SPATC1L: variants seen among roughly 807,000 people sequenced by gnomAD.
The protein encoded by SPATC1L is speriolin-like protein.
SPATC1L carries 20 observed loss-of-function variants against 21.2 expected under a neutral mutation model. The ratio of observed to expected loss-of-function variants is 0.94; its 90% CI spans 0.66 to 1.37. The LOEUF (loss-of-function observed/expected upper bound fraction) is 1.37. SPATC1L is among the 40% of genes most tolerant of loss of function. The pLI, the probability that SPATC1L is intolerant of heterozygous loss-of-function variation, is 0.00. For synonymous variants in SPATC1L, 290 were observed against 234.5 expected (o/e 1.24, Z -2.16); for missense variants, 499 against 478.7 (o/e 1.04, Z -0.40).
At chr21:46,182,029 A>G (rs2079677988) in intron 2 of SPATC1L, among the ~76,000 whole-genome samples, 1 of 152,214 alleles carries the variant, frequency 6.6e-6, no homozygotes, top group Admixed American at 6.5e-5. Context: ...AGTCAATGCT[A>G]TGTGGTGAGT....
rs1321795704 is a variant in SPATC1L, at chr21:46,174,338, ACAAAAC to A, written c.194-5686_194-5681del. Among the ~76,000 whole-genome samples the A allele has an allele frequency of 4.1e-3, 308 of 75,180 alleles. 32 individuals carry two copies. The highest frequency in any genetic ancestry group is 6.3e-3 in the Middle Eastern group (1 of 158). 49.3% of individuals were successfully genotyped at this position (75,180 alleles called of 152,430 possible). ...ACAGAGCAAGACTCTGTCTCAAAAA[ACAAAAC>A]AAAAAAAAAAAAAAAACAGAATGGC... On this transcript the variant is annotated intron_variant, in intron 2 of 4. Transcript: ENST00000291672.
Position 46,168,672 on chromosome 21 carries a change from G to C in SPATC1L, c.194-14C>G. 1 of 1,357,812 alleles carries C rather than the reference G, an allele frequency of 7.4e-7. No homozygotes were observed. The highest frequency in any genetic ancestry group is 9.6e-7 in the Non-Finnish European group (1 of 1,041,448). The allele number at this position is 1,357,812 out of a possible 1,614,324, so 84.1% of individuals were successfully genotyped here. On this transcript the variant is annotated splice_polypyrimidine_tract_variant and intron_variant, in intron 2 of 4. Transcript: ENST00000291672. ...CGAAATCTGGAACTGAGGCGGGGAG[G>C]AAAGGGATGAGAAATCAGGCTGATG...
At chr21:46,166,676 A>T (rs2123624689) in intron 3 of SPATC1L, among the ~76,000 whole-genome samples, 1 of 152,340 alleles carries the variant, frequency 6.6e-6, no homozygotes, top group Middle Eastern at 3.4e-3. Flanking sequence ...ATAACAAGAG[A>T]CAAAGAAGGT....
chr21:46,172,131 G>GC (rs879693294), intron 2 of SPATC1L, among the ~76,000 whole-genome samples: 89,635 of 122,218 alleles, frequency 0.73, 35,298 homozygotes, highest in East Asian at 0.99. Context: ...GGGATGCACA[G>GC]AGTGTGAGGT....
In SPATC1L at chr21:46,168,449, G is replaced by A. The variant is rs746281122; in HGVS notation, c.403C>T (p.Pro135Ser). The change falls in exon 3 of 5, where the codon CCG (proline) becomes TCG (serine). Residue 135 changes from proline (P) to serine (S), a missense_variant. Coordinates refer to ENST00000291672, the MANE Select transcript of SPATC1L (RefSeq NM_001142854.2). ...SHRGTDRKLSPLLSPLQDSLV... is the reference protein window; with the variant it reads ...SHRGTDRKLSSLLSPLQDSLV... ...GAGTCTTGCAAGGGGCTCAGGAGCG[G>A]GGACAGCTTCCTGTCGGTGCCTCGG... is the stretch of plus-strand genomic sequence containing the variant. 5.0e-6 allele frequency: 8 copies of A among 1,605,524 alleles called. No individual in the cohort carries two copies. Among genetic ancestry groups the A allele is most frequent in the Non-Finnish European group, 6.8e-6 (8 of 1,175,752 alleles).
chr21:46,179,773 G>A (rs1221729324), intron 2 of SPATC1L, among the ~76,000 whole-genome samples: 3 of 152,218 alleles, frequency 2.0e-5, no homozygotes, highest in African/African-American at 2.4e-5. Flanking sequence ...CATCGTGGCC[G>A]TGCTGGAGGG....
intron 3 of SPATC1L, among the ~76,000 whole-genome samples, chr21:46,164,316 T>G (rs1352011683): frequency 6.6e-6 from 1 of 152,170 alleles, no homozygotes; most frequent in Non-Finnish European, 1.5e-5. Flanking sequence ...CCTGGTCATT[T>G]ATGTCTTCTT....
intron 2 of SPATC1L, among the ~76,000 whole-genome samples, chr21:46,172,684 G>A (rs976683006): frequency 6.6e-6 from 1 of 152,234 alleles, no homozygotes. Flanking sequence ...AGAAGTTCAT[G>A]TGGATTGGAA....
rs546782709 is a variant in SPATC1L at position 46,182,844 on chromosome 21, C to T, written c.-28G>A. The stretch of plus-strand genomic sequence containing the variant: ...CGGGTGCGTCCCTCCTTGTCCCTCA[C>T]GGCTCCTGCAGCCCCATGGAGGTGG... On this transcript the variant is annotated 5_prime_UTR_variant, in exon 2 of 5. The change creates a new upstream start codon in the 5' untranslated region. Transcript: ENST00000291672. 62 of 1,493,516 alleles carry T rather than the reference C, an allele frequency of 4.2e-5. 1 individual carries two copies. The highest frequency in any genetic ancestry group is 3.8e-4 in the South Asian group (29 of 77,292). The allele number at this position is 1,493,516 out of a possible 1,614,324, so 92.5% of individuals were successfully genotyped here. A position where few individuals can be genotyped will look rare whatever the true frequency, so the allele number is the denominator to read the frequency against.
chr21:46,167,860 C>T (rs1210341116), intron 3 of SPATC1L, among the ~76,000 whole-genome samples: 1 of 152,204 alleles, frequency 6.6e-6, no homozygotes, highest in Non-Finnish European at 1.5e-5. Context: ...GAACAACACA[C>T]AGGAGAGAAT....
intron 2 of SPATC1L, among the ~76,000 whole-genome samples, chr21:46,169,961 G>C (rs1348310477): frequency 5.6e-5 from 1 of 17,954 alleles, no homozygotes; most frequent in African/African-American, 4.2e-4. Context: ...CATCCTCTGT[G>C]GATGGGGAGG....
chr21:46,183,385 G>T lies in SPATC1L; in HGVS notation c.-569C>A. On this transcript the variant is annotated 5_prime_UTR_variant, in exon 2 of 5. It introduces an in-frame stop codon into an upstream open reading frame of the 5' UTR. Transcript: ENST00000291672. ...CCCACACTTGAGGAGGGAGGGACTGGCAAGGGCAGTGGGAGGAGACCAGCA... is the reference window on the plus strand; with the variant it reads ...CCCACACTTGAGGAGGGAGGGACTGTCAAGGGCAGTGGGAGGAGACCAGCA... 5.8e-6 allele frequency: 1 copy of T among 171,702 alleles called. No individual in the cohort carries two copies. The highest frequency in any genetic ancestry group is 1.2e-5 in the Non-Finnish European group (1 of 84,038). 10.6% of individuals were successfully genotyped at this position (171,702 alleles called of 1,614,324 possible).
Position 46,161,522 on chromosome 21 carries a change from T to A in SPATC1L, c.880A>T (p.Asn294Tyr), listed in dbSNP as rs761329406. Residue 294 changes from asparagine to tyrosine, a missense_variant, in exon 5 of 5, where the codon AAC becomes TAC. Asn to Tyr is a moderately radical substitution (Grantham distance 143). Coordinates refer to ENST00000291672, the MANE Select transcript of SPATC1L (RefSeq NM_001142854.2). ...GCGGCCGGGCTGCTGTGCAGGGGGT[T>A]GGCGCGCAGGTCGGGCCGCTGCTTC... ...ILKQRPDLRA[N>Y]PLHSSPAALR... 1 of 1,610,204 alleles carries A rather than the reference T, an allele frequency of 6.2e-7. No homozygotes were observed.
intron 3 of SPATC1L, among the ~76,000 whole-genome samples, chr21:46,166,298 G>A (rs1032888689): frequency 3.3e-5 from 5 of 152,030 alleles, no homozygotes; most frequent in African/African-American, 1.2e-4. Flanking sequence ...CCCAGGAGGC[G>A]GAGGTTGCAG....
chr21:46,178,671 G>A (rs1484798782), intron 2 of SPATC1L, among the ~76,000 whole-genome samples: 2 of 152,180 alleles, frequency 1.3e-5, no homozygotes, highest in Non-Finnish European at 2.9e-5. Flanking sequence ...TGGATCACCT[G>A]AGATCAGGAG....
chr21:46,174,500 C>T (rs1018303277), intron 2 of SPATC1L, among the ~76,000 whole-genome samples: 4 of 152,080 alleles, frequency 2.6e-5, no homozygotes, highest in African/African-American at 9.7e-5. Context: ...ACTATGATTG[C>T]AGGGTTGCAA....
chr21:46,163,055 C>T (rs1168956187), intron 3 of SPATC1L, among the ~76,000 whole-genome samples: 3 of 152,210 alleles, frequency 2.0e-5, no homozygotes, highest in Non-Finnish European at 2.9e-5. Flanking sequence ...AACAGTATCT[C>T]ATTTGCATTT....
At chr21:46,183,883 G>T (rs1338894001) in intron 1 of SPATC1L, 109 bp from the exon 2 acceptor site, 1 of 104,706 alleles carries the variant, frequency 9.6e-6, no homozygotes, top group East Asian at 3.2e-4. Flanking sequence ...GATCAGCCTG[G>T]GGGAGGAGAC....
intron 2 of SPATC1L, among the ~76,000 whole-genome samples, chr21:46,171,954 AAAAAAAAAC>A (rs1427788030): frequency 3.3e-5 from 5 of 151,656 alleles, no homozygotes; most frequent in Admixed American, 3.3e-4. Flanking sequence ...AAAAAAAAAA[AAAAAAAAAC>A]CATGGCCAGG....
Sources: allele counts gnomAD v4.1 joint callset (sites outside exome capture counted in the v4.1 genomes callset), GRCh38; gene constraint gnomAD v4.1.1; transcripts MANE v1.5; gene names NCBI Gene and HGNC (gene_info 2026-07-23, HGNC 2026-07-21).